Variants in LRRC66 observed in about 807,000 individuals in gnomAD.
LRRC66 encodes leucine rich repeat containing 66, also known as leucine-rich repeat-containing protein 66.
Under a neutral mutation model 24.6 loss-of-function variants are expected in LRRC66, and 29 were observed. The ratio of observed to expected loss-of-function variants is 1.18; its 90% confidence interval spans 0.88 to 1.61. The LOEUF (loss-of-function observed/expected upper bound fraction) is 1.61. LRRC66 is among the 40% of genes most tolerant of loss of function. LRRC66 has a pLI of 0.00. For synonymous variants in LRRC66, 411 were observed against 397.6 expected (o/e 1.03, Z -0.40); for missense variants, 1,124 against 1,058.0 (o/e 1.06, Z -0.87).
chr4:52,017,687 T>C (rs553340043), intron 1 of LRRC66, 69 bp from the exon 2 acceptor site: 4 of 1,414,184 alleles, frequency 2.8e-6, no homozygotes, highest in African/African-American at 2.9e-5. Flanking sequence ...AAGCAGCAAA[T>C]TTAATTTTCA....
Position 52,007,636 on chromosome 4 carries a change from C to T in LRRC66, c.497-4244G>A, listed in dbSNP as rs536452565. Among the ~76,000 whole-genome samples, 42 of 152,294 alleles carry T rather than the reference C, an allele frequency of 2.8e-4. No individual in the cohort carries two copies. The South Asian group carries it at 8.5e-3, about 31-fold the overall frequency. ...TTTTGGAGTCCAGTGGAAGCCAGGTCCATTAGTTTGGATGATTGTTCATCA... is the reference window on the plus strand; with the variant it reads ...TTTTGGAGTCCAGTGGAAGCCAGGTTCATTAGTTTGGATGATTGTTCATCA... On this transcript the variant is annotated intron_variant, in intron 2 of 4. Transcript: ENST00000682860.
At chr4:52,018,262 A>G in intron 1 of LRRC66, 1 of 985,128 alleles carries the variant, frequency 1.0e-6, no homozygotes, top group African/African-American at 1.7e-5. Context: ...TGAAGATGTA[A>G]TACGATACAG....
chr4:51,998,006 A>T, intron 3 of LRRC66, 69 bp from the exon 4 acceptor site: 1 of 1,314,090 alleles, frequency 7.6e-7, no homozygotes, highest in Non-Finnish European at 1.1e-6. Context: ...TAAATGAGTT[A>T]CAGAAAACTA....
In LRRC66 at chr4:51,994,764, A is replaced by G. The variant is rs1264805575; in HGVS notation, c.2258T>C (p.Leu753Pro). 1 of 1,614,212 alleles carries G rather than the reference A, an allele frequency of 6.2e-7. No homozygotes were observed. ...TGTTTGGAAGGTAACATTTTCCTCA[A>G]GACTGTCTACAGCCGTCACATTGTC... ...SKDNVTAVDS[L>P]EENVTFQTIP... The change falls in exon 5 of 5, where the codon CTT becomes CCT. Residue 753 changes from leucine to proline, a missense_variant. Coordinates refer to ENST00000682860, the MANE Select transcript of LRRC66 (RefSeq NM_001024611.3).
In LRRC66 at chr4:52,017,710, G is replaced by A. The variant is rs562776164; in HGVS notation, c.-5-92C>T. On this transcript the variant is annotated intron_variant, in intron 1 of 4. Transcript: ENST00000682860. The stretch of plus-strand genomic sequence containing the variant: ...AATTTAATTTTCAATTTAAGATTTC[G>A]GAAAGTTATCTTGTCTTGGTTGCCA... 9.7e-5 allele frequency: 135 copies of A among 1,392,870 alleles called. 3 individuals are homozygous for A. Among genetic ancestry groups the A allele is most frequent in the African/African-American group, 4.0e-4 (27 of 68,182 alleles). 86.3% of individuals were successfully genotyped at this position (1,392,870 alleles called of 1,614,324 possible).
intron 1 of LRRC66, among the ~76,000 whole-genome samples, chr4:52,019,705 A>AT (rs1736900133): frequency 6.6e-6 from 1 of 152,212 alleles, no homozygotes; most frequent in Non-Finnish European, 1.5e-5. Flanking sequence ...TGAGATCATT[A>AT]TATATACAAT....
intron 1 of LRRC66, among the ~76,000 whole-genome samples, chr4:52,019,752 A>G (rs1344823154): frequency 6.6e-6 from 1 of 152,228 alleles, no homozygotes; most frequent in African/African-American, 2.4e-5. Flanking sequence ...CAGCAACAAA[A>G]AAATATAGTC....
chr4:52,010,678 T>C (rs192773460), intron 2 of LRRC66, among the ~76,000 whole-genome samples: 2 of 152,332 alleles, frequency 1.3e-5, no homozygotes, highest in Admixed American at 6.5e-5. Flanking sequence ...GATGTATATG[T>C]ACCACATTTT....
At chr4:51,997,989 G>T in intron 3 of LRRC66, 52 bp from the exon 4 acceptor site, 2 of 1,481,236 alleles carry the variant, frequency 1.4e-6, no homozygotes, top group Non-Finnish European at 9.3e-7. Context: ...GACATTTACA[G>T]ATAAAATAAA....
Position 52,017,814 on chromosome 4 carries a change from AT to A in LRRC66, c.-5-197del, listed in dbSNP as rs1052540192. On this transcript the variant is annotated intron_variant, in intron 1 of 4. Transcript: ENST00000682860. ...TGAAATAGCCATAGTATAAAATTACATTTATGTCACATTTTAAAGAAAGGAC... is the reference window on the plus strand; with the variant it reads ...TGAAATAGCCATAGTATAAAATTACATTATGTCACATTTTAAAGAAAGGAC... 139 of 985,386 alleles carry A rather than the reference AT, an allele frequency of 1.4e-4. No homozygotes were observed. The African/African-American group carries it at 2.1e-3, about 15-fold the overall frequency. 61.0% of individuals were successfully genotyped at this position (985,386 alleles called of 1,614,324 possible).
At chr4:52,015,379 G>T (rs1736786092) in intron 2 of LRRC66, among the ~76,000 whole-genome samples, 1 of 152,132 alleles carries the variant, frequency 6.6e-6, no homozygotes, top group Admixed American at 6.5e-5. Flanking sequence ...AGGCTGAAAA[G>T]AAATATTATC....
Position 52,017,519 on chromosome 4 carries a change from A to T in LRRC66, c.95T>A (p.Phe32Tyr), listed in dbSNP as rs753566566. The change falls in exon 2 of 5, where the codon TTC (phenylalanine) becomes TAC (tyrosine). Residue 32 changes from phenylalanine (F) to tyrosine (Y), a missense_variant. By Grantham distance (22) the Phe-to-Tyr change is conservative (BLOSUM62 3). Transcript: ENST00000682860. Reference protein sequence around the residue: ...TNASRKSNILFNSECQWNEYI... With the variant: ...TNASRKSNILYNSECQWNEYI... ...TTCATTCCATTGGCATTCAGAATTGAATAAAATATTGCTTTTTCTTGATGC... is the reference window on the plus strand; with the variant it reads ...TTCATTCCATTGGCATTCAGAATTGTATAAAATATTGCTTTTTCTTGATGC... 17 of 1,613,304 alleles carry T rather than the reference A, an allele frequency of 1.1e-5. No homozygotes were observed. The highest frequency in any genetic ancestry group is 1.3e-5 in the African/African-American group (1 of 74,928).
chr4:52,018,315 T>C, intron 1 of LRRC66: 8 of 984,862 alleles, frequency 8.1e-6, no homozygotes, highest in Non-Finnish European at 9.6e-6. Context: ...TGAGAAAAAA[T>C]TCAAAGTTTT....
chr4:51,995,391 T>C lies in LRRC66; in HGVS notation c.1631A>G (p.Gln544Arg). The stretch of plus-strand genomic sequence containing the variant: ...TGAATGTGCACTGAGAGGCTCTTCC[T>C]GGGCCACAGTTTCATAAGTCCATTC... ...LGEWTYETVAQEEPLSAHSVG... is the reference protein window; with the variant it reads ...LGEWTYETVAREEPLSAHSVG... The change falls in exon 5 of 5, where the codon CAG (glutamine) becomes CGG (arginine). Residue 544 changes from glutamine to arginine, a missense_variant. Transcript: ENST00000682860. 1 of 1,614,216 alleles carries C rather than the reference T, an allele frequency of 6.2e-7. No homozygotes were observed. The highest frequency in any genetic ancestry group is 2.2e-5 in the East Asian group (1 of 44,880).
In LRRC66 at chr4:51,996,085, T is replaced by G. The variant is rs772578354; in HGVS notation, c.937A>C (p.Met313Leu). ...TRLPPIHLHRMKSLIRSKAER... is the reference protein window; with the variant it reads ...TRLPPIHLHRLKSLIRSKAER... ...GCTTTGCTCCTTATGAGGCTTTTCA[T>G]GCGATGCAGATGAATGGGAGGAAGG... The change falls in exon 5 of 5, where the codon ATG becomes CTG. Residue 313 changes from methionine to leucine, a missense_variant. By Grantham distance (15) the Met-to-Leu change is conservative. Coordinates refer to ENST00000682860, the MANE Select transcript of LRRC66 (RefSeq NM_001024611.3). 6 of 1,613,980 alleles carry G rather than the reference T, an allele frequency of 3.7e-6. 1 individual carries two copies. In the African/African-American group the frequency reaches 4.0e-5, roughly 11 times the overall value.
chr4:51,994,596 G>T lies in LRRC66; in HGVS notation c.2426C>A (p.Pro809Gln), dbSNP rs1736245596. The change falls in exon 5 of 5, where the codon CCA becomes CAA. Residue 809 changes from proline (P) to glutamine (Q), a missense_variant. Physicochemically the swap from Pro to Gln is moderately conservative, Grantham distance 76. Transcript: ENST00000682860. ...SEGLSPWPRS[P>Q]GNSPLGDEFP... ...CTCATCCCCTAAGGGACTATTCCCT[G>T]GTGACCTGGGCCAGGGTGACAGGCC... The T allele has an allele frequency of 6.2e-7, 1 of 1,614,090 alleles. No homozygotes were observed.
chr4:52,014,183 C>T (rs1211482655), intron 2 of LRRC66, among the ~76,000 whole-genome samples: 2 of 152,056 alleles, frequency 1.3e-5, no homozygotes, highest in Non-Finnish European at 2.9e-5. Flanking sequence ...ACCTGGGAGG[C>T]GGAGGTTGCG....
intron 2 of LRRC66, among the ~76,000 whole-genome samples, chr4:52,004,438 A>G (rs1048439615): frequency 6.6e-6 from 1 of 152,222 alleles, no homozygotes; most frequent in African/African-American, 2.4e-5. Flanking sequence ...CAGGAAAATA[A>G]TCAAATTGAA....
At chr4:51,997,608 G>T in intron 4 of LRRC66, 140 bp downstream of exon 4, 1 of 693,590 alleles carries the variant, frequency 1.4e-6, no homozygotes, top group Non-Finnish European at 2.4e-6. Flanking sequence ...ATTTTTCTAT[G>T]ACACAGCCCA....
Sources: allele counts gnomAD v4.1 joint callset (sites outside exome capture counted in the v4.1 genomes callset), GRCh38; gene constraint gnomAD v4.1.1; transcripts MANE v1.5; gene names NCBI Gene and HGNC (gene_info 2026-07-23, HGNC 2026-07-21).